The following C5 variants were observed in gnomAD, a reference collection of about 807,000 sequenced individuals.
The protein encoded by C5 is complement C5.
A neutral mutation model predicts 218.8 loss-of-function variants in C5; 140 were observed. The ratio of observed to expected loss-of-function variants is 0.64; its 90% CI spans 0.56 to 0.74. The LOEUF (loss-of-function observed/expected upper bound fraction) is 0.74. Ranked by LOEUF, C5 falls within the 30% of genes least tolerant of loss-of-function variation. The probability of loss-of-function intolerance (pLI) is 0.00; values close to 1 mark genes in which losing one functional copy is unlikely to be tolerated. For synonymous variants in C5, 614 were observed against 682.3 expected (o/e 0.90, Z 1.56); for missense variants, 1,700 against 1,969.6 (o/e 0.86, Z 2.59).
At chr9:121,039,212 T>A (rs2047555831) in intron 3 of C5, among the ~76,000 whole-genome samples, 1 of 152,252 alleles carries the variant, frequency 6.6e-6, no homozygotes, top group Non-Finnish European at 1.5e-5. Flanking sequence ...AATAAATGTT[T>A]ATTTTATTAT....
At chr9:121,016,143 C>T in intron 15 of C5, 111 bp downstream of exon 15, 1 of 1,372,102 alleles carries the variant, frequency 7.3e-7, no homozygotes, top group Non-Finnish European at 1.0e-6. Context: ...GTTATGTAGT[C>T]TTGGCATTCT....
chr9:121,038,520 A>G (rs2047549860), intron 3 of C5, among the ~76,000 whole-genome samples: 1 of 152,198 alleles, frequency 6.6e-6, no homozygotes, highest in South Asian at 2.1e-4. Context: ...CTCATTGTTA[A>G]AAGAGCAATG....
chr9:121,063,123 C>T, the C5 span, among the ~76,000 whole-genome samples: 4 of 151,112 alleles, frequency 2.6e-5, no homozygotes, highest in East Asian at 1.9e-4. Context: ...TTGGTATGCT[C>T]GATGGTATAC....
intron 1 of C5, among the ~76,000 whole-genome samples, chr9:121,049,039 C>A (rs2047652058): frequency 6.6e-6 from 1 of 152,204 alleles, no homozygotes; most frequent in South Asian, 2.1e-4. Flanking sequence ...CACTAGAATG[C>A]AAGCTCTAGG....
intron 16 of C5, among the ~76,000 whole-genome samples, chr9:121,014,570 C>T (rs1027040756): frequency 6.6e-6 from 1 of 152,040 alleles, no homozygotes; most frequent in South Asian, 2.1e-4. Flanking sequence ...TCAGATTAGT[C>T]AATGTCTCTC....
At chr9:121,044,962 T>A (rs2047614344) in intron 2 of C5, among the ~76,000 whole-genome samples, 1 of 150,100 alleles carries the variant, frequency 6.7e-6, no homozygotes, top group African/African-American at 2.4e-5. Context: ...TTTTTTTTTT[T>A]TTTTTGAGAT....
chr9:121,070,110 C>G, the C5 span, among the ~76,000 whole-genome samples: 1 of 151,966 alleles, frequency 6.6e-6, no homozygotes, highest in African/African-American at 2.4e-5. Context: ...GTAATCCCAG[C>G]ACTTTGAGAG....
In C5 at chr9:121,032,195, T is replaced by C; in HGVS notation, c.585A>G (p.Arg195=). The change falls in exon 6 of 41, where the codon AGA becomes AGG. Residue 195 remains arginine, a splice_region_variant and synonymous_variant. Transcript: ENST00000223642. The part of the protein sequence containing the change: ...FPDFKIPSNP[R]YGMWTIKAKY... ...TAGCCTTGATCGTCCACATACCATA[T>C]CTGTGGAAGCAAAATATTTAAAATT... 1 of 1,570,232 alleles carries C rather than the reference T, an allele frequency of 6.4e-7. No homozygotes were observed. Among genetic ancestry groups the C allele is most frequent in the Non-Finnish European group, 8.8e-7 (1 of 1,140,452 alleles).
At chr9:120,960,227 A>C (rs773005940) in intron 38 of C5, 21 bp downstream of exon 38, 10 of 1,466,034 alleles carry the variant, frequency 6.8e-6, no homozygotes, top group Non-Finnish European at 9.6e-6. Context: ...TAAAGGAGCT[A>C]TATTGAACTT....
chr9:121,004,872 CA>C (rs1471830771), intron 20 of C5, among the ~76,000 whole-genome samples: 2 of 151,420 alleles, frequency 1.3e-5, no homozygotes, highest in African/African-American at 4.9e-5. Context: ...TTTAAGATAC[CA>C]ATATTTAAAT....
chr9:121,063,183 T>G, the C5 span, among the ~76,000 whole-genome samples: 1 of 151,114 alleles, frequency 6.6e-6, no homozygotes, highest in African/African-American at 2.4e-5. Context: ...GCATACCAGA[T>G]GGTCTACAGG....
At position 121,017,078 on chromosome 9, in the gene C5, C is replaced by T. The variant is rs576546644; in HGVS notation, c.1866+284G>A. On this transcript the variant is annotated intron_variant, in intron 14 of 40. Coordinates refer to ENST00000223642, the MANE Select transcript of C5 (RefSeq NM_001735.3). ...CTAGCTACTATAACTGCCATCAACACCCTACCCTAAACCTCCAAAGTATTC... is the reference window on the plus strand; with the variant it reads ...CTAGCTACTATAACTGCCATCAACATCCTACCCTAAACCTCCAAAGTATTC... 8.5e-5 allele frequency among the ~76,000 whole-genome samples: 13 copies of T among 152,330 alleles called. No individual in the cohort carries two copies. In the East Asian group the frequency reaches 2.5e-3, roughly 29 times the overall value.
intron 26 of C5, among the ~76,000 whole-genome samples, chr9:120,982,194 T>C (rs1306730195): frequency 6.6e-6 from 1 of 152,212 alleles, no homozygotes; most frequent in Non-Finnish European, 1.5e-5. Context: ...GTATTTTTAG[T>C]AGAGACGGGG....
Position 120,991,172 on chromosome 9 carries a change from A to G in C5, c.2941+19T>C. ...GCACCAAGTGAAATGAGAAATAAAAATGGCATTTGTTAATTTACCTTTTAC... is the reference window on the plus strand; with the variant it reads ...GCACCAAGTGAAATGAGAAATAAAAGTGGCATTTGTTAATTTACCTTTTAC... On this transcript the variant is annotated intron_variant, in intron 23 of 40. Coordinates refer to ENST00000223642, the MANE Select transcript of C5 (RefSeq NM_001735.3). 1.5e-6 allele frequency: 2 copies of G among 1,357,004 alleles called. No homozygotes were observed. The highest frequency in any genetic ancestry group is 2.1e-6 in the Non-Finnish European group (2 of 945,848). The allele number at this position is 1,357,004 out of a possible 1,614,324, so 84.1% of individuals were successfully genotyped here.
the C5 span, among the ~76,000 whole-genome samples, chr9:121,070,458 G>T: frequency 1.5e-4 from 17 of 115,092 alleles, no homozygotes; most frequent in Non-Finnish European, 3.0e-4. Context: ...ATATATATAT[G>T]TATATTCTGT....
intron 27 of C5, among the ~76,000 whole-genome samples, chr9:120,981,095 G>A (rs2046989758): frequency 6.6e-6 from 1 of 152,246 alleles, no homozygotes; most frequent in East Asian, 1.9e-4. Flanking sequence ...AAATGGTTGT[G>A]TTGGGCAAGT....
chr9:120,985,587 G>A (rs942005111), intron 25 of C5, among the ~76,000 whole-genome samples: 5 of 152,064 alleles, frequency 3.3e-5, no homozygotes, highest in Non-Finnish European at 7.4e-5. Context: ...TATACTATGT[G>A]ATATATTTGT....
chr9:121,009,389 G>A (rs528208447), intron 17 of C5, among the ~76,000 whole-genome samples: 15 of 152,344 alleles, frequency 9.8e-5, no homozygotes, highest in South Asian at 6.2e-4. Flanking sequence ...ACAGACTAGG[G>A]CAGGGAGAGG....
intron 15 of C5, among the ~76,000 whole-genome samples, chr9:121,015,790 T>G (rs914598335): frequency 6.6e-6 from 1 of 152,200 alleles, no homozygotes; most frequent in African/African-American, 2.4e-5. Flanking sequence ...GTTCTATAAC[T>G]TGTAAATAGA....
Sources: allele counts gnomAD v4.1 joint callset (sites outside exome capture counted in the v4.1 genomes callset), GRCh38; gene constraint gnomAD v4.1.1; transcripts MANE v1.5; gene names NCBI Gene and HGNC (gene_info 2026-07-23, HGNC 2026-07-21).